Variants in ARAP1 observed in about 807,000 individuals in gnomAD.
ARAP1 encodes the protein arf-GAP with Rho-GAP domain, ANK repeat and PH domain-containing protein 1.
ARAP1 carries 76 observed loss-of-function variants against 172.2 expected under a neutral mutation model. The observed-to-expected ratio is 0.44, with a 90% confidence interval of 0.37 to 0.53. The LOEUF (loss-of-function observed/expected upper bound fraction) is 0.53, where lower values mean the gene tolerates loss of function less well. Among genes scored for constraint, ARAP1 ranks in the 20% least tolerant of loss-of-function variants. The pLI, the probability that ARAP1 is intolerant of heterozygous loss-of-function variation, is 0.00. For synonymous variants in ARAP1, 804 were observed against 803.3 expected (o/e 1.00, Z -0.01); for missense variants, 1,686 against 1,977.5 (o/e 0.85, Z 2.80).
At chr11:72,735,440 C>T (rs1348659789) in intron 1 of ARAP1, among the ~76,000 whole-genome samples, 4 of 151,912 alleles carry the variant, frequency 2.6e-5, no homozygotes, top group African/African-American at 9.7e-5. Flanking sequence ...ACTAAAAATA[C>T]AAAAAATTAG....
chr11:72,695,320 C>G lies in ARAP1; in HGVS notation c.3576+67G>C. On this transcript the variant is annotated intron_variant, in intron 26 of 34. Coordinates refer to ENST00000393609, the MANE Select transcript of ARAP1 (RefSeq NM_001040118.3). This position sits in a 1 kb window ranked among gnomAD's most constrained non-coding sequence, Gnocchi z 4.4. ...CGGGGTAGAAGCACTGCTCCCCTGGCCATCTGAGCCTGTACCTGGCCCAGC... is the reference window on the plus strand; with the variant it reads ...CGGGGTAGAAGCACTGCTCCCCTGGGCATCTGAGCCTGTACCTGGCCCAGC... 1 of 1,599,182 alleles carries G rather than the reference C, an allele frequency of 6.3e-7. No individual in the cohort carries two copies. The highest frequency in any genetic ancestry group is 8.6e-7 in the Non-Finnish European group (1 of 1,167,796).
rs763799498 is a variant in ARAP1, at chr11:72,696,641, C to T, written c.3180G>A (p.Glu1060=). The change falls in exon 23 of 35, where the codon GAG becomes GAA. Residue 1060 remains glutamate (E), a synonymous_variant. Transcript: ENST00000393609. ...TWLEASEIED[E]EEKVSRYREL... ...CTCGGTACCTGGAGACCTTCTCCTC[C>T]TCGTCCTCAATCTCTGGGTGGGAAA... The T allele has an allele frequency of 6.3e-7, 1 of 1,598,444 alleles. No individual in the cohort carries two copies. Among genetic ancestry groups the T allele is most frequent in the South Asian group, 1.1e-5 (1 of 89,698 alleles).
At position 72,741,881 on chromosome 11, in the gene ARAP1, C is replaced by T. The variant is rs1488113687; in HGVS notation, c.-127-9284G>A. Among the ~76,000 whole-genome samples, 5 of 152,124 alleles carry T rather than the reference C, an allele frequency of 3.3e-5. No homozygotes were observed. Among genetic ancestry groups the T allele is most frequent in the Non-Finnish European group, 5.9e-5 (4 of 68,004 alleles). ...CTGGAAACCTAAAGCTCCTGCCCAC[C>T]AAGGAGGAGGGACTTGGTGGGCTCC... is the stretch of plus-strand genomic sequence containing the variant. On this transcript the variant is annotated intron_variant, in intron 1 of 34. Coordinates refer to ENST00000393609, the MANE Select transcript of ARAP1 (RefSeq NM_001040118.3). The surrounding 1 kb of genome is among the most constrained non-coding windows in gnomAD (Gnocchi z 4.5).
chr11:72,689,683 T>G (rs1318922477), intron 30 of ARAP1: 3 of 152,244 alleles, frequency 2.0e-5, no homozygotes, highest in Non-Finnish European at 4.4e-5. Flanking sequence ...TAGTAAGGAC[T>G]TTTCACTCTG....
chr11:72,720,356 C>T (rs1469875359), intron 3 of ARAP1, among the ~76,000 whole-genome samples: 3 of 152,142 alleles, frequency 2.0e-5, no homozygotes, highest in Non-Finnish European at 4.4e-5. Context: ...CAAAGGTCAT[C>T]CCCTCCAGCA....
chr11:72,732,844 G>T (rs1857904633), intron 1 of ARAP1, among the ~76,000 whole-genome samples: 1 of 152,098 alleles, frequency 6.6e-6, no homozygotes, highest in African/African-American at 2.4e-5. Context: ...TTATCCAGGT[G>T]TGGTAGTGTG....
chr11:72,736,508 T>C (rs1858030168), intron 1 of ARAP1, among the ~76,000 whole-genome samples: 1 of 152,112 alleles, frequency 6.6e-6, no homozygotes, highest in African/African-American at 2.4e-5. Context: ...TTTAAGCCCC[T>C]CAGCTGCTAT....
intron 11 of ARAP1, among the ~76,000 whole-genome samples, chr11:72,709,045 C>CAAAAA (rs34249967): frequency 8.0e-5 from 4 of 50,274 alleles, no homozygotes; most frequent in Non-Finnish European, 1.3e-4. Context: ...TCTCAAAAAG[C>CAAAAA]AAAAAAAAAA....
Position 72,693,761 on chromosome 11 carries a change from C to G in ARAP1, c.3739G>C (p.Gly1247Arg). 1 of 1,610,008 alleles carries G rather than the reference C, an allele frequency of 6.2e-7. No homozygotes were observed. Among genetic ancestry groups the G allele is most frequent in the Admixed American group, 1.7e-5 (1 of 59,604 alleles). Residue 1247 changes from glycine (G) to arginine (R), a missense_variant, in exon 28 of 35, where the codon GGG (glycine) becomes CGG (arginine). By Grantham distance (125) the Gly-to-Arg change is moderately radical. Transcript: ENST00000393609. This position sits in a 1 kb window ranked among gnomAD's most constrained non-coding sequence, Gnocchi z 4.6. ...FAEKVLPILH[G>R]LGTDSHLVVK... ...ACCAGGTGGCTGTCCGTGCCCAGCC[C>G]GTGCAGGATGGGCAGCACCTTCTCC...
chr11:72,714,126 C>T, intron 4 of ARAP1, 26 bp downstream of exon 4: 1 of 1,439,780 alleles, frequency 6.9e-7, no homozygotes, highest in Non-Finnish European at 9.1e-7. Context: ...CCACCCAGAG[C>T]CCCATCTCCT....
Position 72,693,953 on chromosome 11 carries a change from CCTTCCCATGACCAAG to C in ARAP1, c.3695-163_3695-149del. On this transcript the variant is annotated intron_variant, in intron 27 of 34. Coordinates refer to ENST00000393609, the MANE Select transcript of ARAP1 (RefSeq NM_001040118.3). The surrounding 1 kb of genome is among the most constrained non-coding windows in gnomAD (Gnocchi z 4.6). ...CACAAAACACCACCATCATGACCACCCTTCCCATGACCAAGCTTCAGGCTTGACACACCTGGCTGT... is the reference window on the plus strand; with the variant it reads ...CACAAAACACCACCATCATGACCACCCTTCAGGCTTGACACACCTGGCTGT... The C allele has an allele frequency of 1.6e-6, 1 of 639,048 alleles. No individual in the cohort carries two copies. The highest frequency in any genetic ancestry group is 2.0e-5 in the South Asian group (1 of 50,392). 39.6% of individuals were successfully genotyped at this position (639,048 alleles called of 1,614,324 possible).
At chr11:72,709,723 T>G in intron 11 of ARAP1, 147 bp downstream of exon 11, 1 of 790,902 alleles carries the variant, frequency 1.3e-6, no homozygotes, top group African/African-American at 1.7e-5. Context: ...GGTTAGCAAG[T>G]GACGGGAGAG....
At position 72,712,536 on chromosome 11, in the gene ARAP1, G is replaced by A. The variant is rs772920917; in HGVS notation, c.780C>T (p.Ala260=). ...CGCTCAGCAGACTGGCCACGCGCAC[G>A]GCCCGTGGGACTCGGCTCGGTGGGG... The part of the protein sequence containing the change: ...EEPPPSRVPR[A]VRVASLLSEG... Residue 260 remains alanine, a synonymous_variant, in exon 6 of 35, where the codon GCC becomes GCT. Coordinates refer to ENST00000393609, the MANE Select transcript of ARAP1 (RefSeq NM_001040118.3). 8.1e-6 allele frequency: 13 copies of A among 1,613,354 alleles called. No individual in the cohort carries two copies. The highest frequency in any genetic ancestry group is 1.6e-4 in the Middle Eastern group (1 of 6,084).
At chr11:72,742,105 CA>C (rs761837705) in intron 1 of ARAP1, among the ~76,000 whole-genome samples, 98 of 152,050 alleles carry the variant, frequency 6.4e-4, no homozygotes, top group Non-Finnish European at 1.2e-3. Flanking sequence ...AAGAGGGAGA[CA>C]GGGGGACCAG....
Position 72,710,930 on chromosome 11 carries a change from T to G in ARAP1, c.1213+91A>C. On this transcript the variant is annotated intron_variant, in intron 9 of 34. Transcript: ENST00000393609. This position sits in a 1 kb window ranked among gnomAD's most constrained non-coding sequence, Gnocchi z 4.3. Reference sequence around the variant, plus strand: ...CCCGGATGTGATGTGAGAGGGCAGATGCACCATGACTCTCTTCCCCCTCCT... The same window carrying G: ...CCCGGATGTGATGTGAGAGGGCAGAGGCACCATGACTCTCTTCCCCCTCCT... 6.3e-7 allele frequency: 1 copy of G among 1,582,710 alleles called. No homozygotes were observed. Among genetic ancestry groups the G allele is most frequent in the Non-Finnish European group, 8.6e-7 (1 of 1,160,836 alleles).
chr11:72,724,269 G>A (rs1466532), intron 3 of ARAP1, among the ~76,000 whole-genome samples: 21,519 of 152,066 alleles, frequency 0.14, 1,769 homozygotes, highest in African/African-American at 0.21. Context: ...GTACACACAT[G>A]CACACGCATC....
At chr11:72,687,828 C>G in intron 31 of ARAP1, 90 bp from the exon 32 acceptor site, 1 of 1,397,804 alleles carries the variant, frequency 7.2e-7, no homozygotes, top group Non-Finnish European at 1.0e-6. Flanking sequence ...GAAGCCACAG[C>G]CAGAGCCAGA....
At chr11:72,733,973 G>T (rs575918696) in intron 1 of ARAP1, among the ~76,000 whole-genome samples, 2 of 151,936 alleles carry the variant, frequency 1.3e-5, no homozygotes, top group Non-Finnish European at 2.9e-5. Flanking sequence ...CTACAGGTGC[G>T]TATCACCATG....
rs1333433644 is a variant in ARAP1, at chr11:72,687,659, T to C, written c.4121+29A>G. The C allele has an allele frequency of 1.9e-6, 3 of 1,614,176 alleles. No individual in the cohort carries two copies. In the Admixed American group the frequency reaches 5.0e-5, roughly 27 times the overall value. On this transcript the variant is annotated intron_variant, in intron 32 of 34. Coordinates refer to ENST00000393609, the MANE Select transcript of ARAP1 (RefSeq NM_001040118.3). ...GACGTGCCACCATCTTTCCTCAGCC[T>C]GGGATCTCAGGATGAGGCGCTCACT...
Sources: allele counts gnomAD v4.1 joint callset (sites outside exome capture counted in the v4.1 genomes callset), GRCh38; gene constraint gnomAD v4.1.1; non-coding constraint Gnocchi (gnomAD v3.1); transcripts MANE v1.5; gene names NCBI Gene and HGNC (gene_info 2026-07-23, HGNC 2026-07-21).